Variants in PROM1 observed in about 807,000 individuals in gnomAD.
PROM1 encodes prominin-1.
PROM1 carries 105 observed loss-of-function variants against 116.9 expected under a neutral mutation model. That is an observed-to-expected ratio of 0.90 (90% CI 0.77 to 1.06). The LOEUF (loss-of-function observed/expected upper bound fraction) is 1.06. PROM1 is among the 50% of genes least tolerant of loss of function. PROM1 has a pLI of 0.00. For synonymous variants in PROM1, 393 were observed against 387.0 expected (o/e 1.02, Z -0.18); for missense variants, 1,122 against 1,045.2 (o/e 1.07, Z -1.01).
intron 12 of PROM1, among the ~76,000 whole-genome samples, chr4:16,007,943 G>A (rs1452437990): frequency 6.6e-6 from 1 of 152,132 alleles, no homozygotes; most frequent in Admixed American, 6.5e-5. Context: ...TCTGCCGTAT[G>A]CTAGCTGGCC....
intron 5 of PROM1, among the ~76,000 whole-genome samples, chr4:16,032,360 G>C (rs953421078): frequency 7.2e-5 from 11 of 152,238 alleles, no homozygotes; most frequent in African/African-American, 2.6e-4. Flanking sequence ...TCCTTCTTGG[G>C]TTTGCAGCTA....
chr4:16,018,650 G>A, intron 8 of PROM1, 110 bp from the exon 9 acceptor site: 2 of 926,146 alleles, frequency 2.2e-6, no homozygotes, highest in Admixed American at 2.1e-5. Context: ...AGATGGCAGT[G>A]AGAGGGACAC....
chr4:15,987,775 CT>C, intron 19 of PROM1, 59 bp from the exon 20 acceptor site: 3 of 1,386,786 alleles, frequency 2.2e-6, no homozygotes, highest in Non-Finnish European at 3.1e-6. Context: ...GATCACATAC[CT>C]TGTGTCCTCC....
chr4:15,981,386 T>A (rs1717903457), intron 23 of PROM1, among the ~76,000 whole-genome samples: 1 of 151,616 alleles, frequency 6.6e-6, no homozygotes, highest in Non-Finnish European at 1.5e-5. Flanking sequence ...CTGGCCAACG[T>A]AGTGAAACCC....
chr4:16,013,860 C>T (rs181001665), intron 10 of PROM1, among the ~76,000 whole-genome samples: 32 of 152,182 alleles, frequency 2.1e-4, no homozygotes, highest in Admixed American at 1.8e-3. Context: ...GATCGGTACA[C>T]TATCCCATGG....
intron 5 of PROM1, among the ~76,000 whole-genome samples, chr4:16,027,890 T>C (rs1158762799): frequency 1.3e-5 from 2 of 152,198 alleles, no homozygotes; most frequent in African/African-American, 4.8e-5. Flanking sequence ...ACTCACAAGA[T>C]CATCAGTCAG....
Position 16,033,411 on chromosome 4 carries a change from A to G in PROM1, c.402T>C (p.Arg134=), listed in dbSNP as rs1353248807. The change falls in exon 5 of 28, where the codon CGT becomes CGC. Residue 134 remains arginine, a synonymous_variant. Transcript: ENST00000447510. ...PLVGYFFCMC[R]CCNKCGGEMH... is the part of the protein sequence containing the mutation. The stretch of plus-strand genomic sequence containing the variant: ...TTTCTCCACCACATTTGTTACAGCA[A>G]CGACACATACAAAAGAAATACCCCA... 1 of 1,613,824 alleles carries G rather than the reference A, an allele frequency of 6.2e-7. No homozygotes were observed.
intron 1 of PROM1, among the ~76,000 whole-genome samples, chr4:16,082,784 A>G (rs563072104): frequency 7.2e-4 from 110 of 152,098 alleles, no homozygotes; most frequent in African/African-American, 2.6e-3. Context: ...TTCTGGAGCT[A>G]GTTCCTCCCT....
intron 3 of PROM1, among the ~76,000 whole-genome samples, chr4:16,038,251 C>A (rs1488783478): frequency 2.6e-5 from 4 of 152,182 alleles, no homozygotes; most frequent in African/African-American, 9.7e-5. Flanking sequence ...TGCAAAGCTA[C>A]TTTTTAACAA....
intron 10 of PROM1, among the ~76,000 whole-genome samples, chr4:16,015,133 G>C (rs1727980828): frequency 6.6e-6 from 1 of 151,998 alleles, no homozygotes; most frequent in Admixed American, 6.6e-5. Flanking sequence ...GTCACCTGAG[G>C]TCAGGAATTC....
chr4:16,016,093 C>T, intron 10 of PROM1, 73 bp downstream of exon 10: 4 of 1,312,574 alleles, frequency 3.0e-6, no homozygotes, highest in Admixed American at 2.3e-5. Context: ...TTGCTATTTC[C>T]TATTTTCTTA....
intron 26 of PROM1, among the ~76,000 whole-genome samples, chr4:15,978,409 G>A (rs926770055): frequency 8.5e-5 from 13 of 152,200 alleles, no homozygotes; most frequent in African/African-American, 2.2e-4. Context: ...TGACCAAGGT[G>A]GAGCATCAAC....
chr4:16,051,691 C>T (rs1442936339), intron 2 of PROM1, among the ~76,000 whole-genome samples: 1 of 152,182 alleles, frequency 6.6e-6, no homozygotes, highest in Admixed American at 6.5e-5. Context: ...ACTAAGGCTG[C>T]CTGGTCAGGT....
chr4:16,000,913 G>A (rs1027826493), intron 13 of PROM1, among the ~76,000 whole-genome samples: 2 of 151,170 alleles, frequency 1.3e-5, no homozygotes, highest in Non-Finnish European at 3.0e-5. Context: ...ACAGCTCCAG[G>A]GAAGGCGGGG....
intron 2 of PROM1, among the ~76,000 whole-genome samples, chr4:16,064,322 T>C (rs1044879110): frequency 2.6e-5 from 4 of 152,162 alleles, no homozygotes; most frequent in Middle Eastern, 3.2e-3. Context: ...CATAACAATA[T>C]GGATAAATTT....
intron 14 of PROM1, 59 bp downstream of exon 14, chr4:16,000,437 A>G (rs1265706759): frequency 1.4e-6 from 2 of 1,447,886 alleles, no homozygotes; most frequent in African/African-American, 2.8e-5. Context: ...TGCACAATAT[A>G]TGAAGAAATC....
At chr4:15,990,057 CAG>C (rs1284340155) in intron 18 of PROM1, among the ~76,000 whole-genome samples, 2 of 152,172 alleles carry the variant, frequency 1.3e-5, no homozygotes, top group African/African-American at 4.8e-5. Flanking sequence ...TCCTGAGTGC[CAG>C]AGACTGTGTT....
At chr4:16,014,915 AGT>A (rs1224206250) in intron 10 of PROM1, among the ~76,000 whole-genome samples, 2 of 152,238 alleles carry the variant, frequency 1.3e-5, no homozygotes, top group Non-Finnish European at 2.9e-5. Flanking sequence ...GGGGGTTTAC[AGT>A]TCAGTGGTGG....
rs778482358 is a variant in PROM1 at position 15,987,680 on chromosome 4, T to C, written c.2113A>G (p.Thr705Ala). 9 of 1,611,786 alleles carry C rather than the reference T, an allele frequency of 5.6e-6. No homozygotes were observed. Among genetic ancestry groups the C allele is most frequent in the Non-Finnish European group, 7.6e-6 (9 of 1,179,168 alleles). The change falls in exon 20 of 28, where the codon ACA becomes GCA. Residue 705 changes from threonine (T) to alanine (A), a missense_variant. By Grantham distance (58) the Thr-to-Ala change is moderately conservative (BLOSUM62 0). Coordinates refer to ENST00000447510, the MANE Select transcript of PROM1 (RefSeq NM_006017.3). ...LYQSVKILQRTGNGLLERVTR... is the reference protein window; with the variant it reads ...LYQSVKILQRAGNGLLERVTR... ...ACCCTTACCAACAATCCATTCCCTG[T>C]GCGTTGAAGTATCTTGACGCTTTGG...
Sources: allele counts gnomAD v4.1 joint callset (sites outside exome capture counted in the v4.1 genomes callset), GRCh38; gene constraint gnomAD v4.1.1; transcripts MANE v1.5; gene names NCBI Gene and HGNC (gene_info 2026-07-23, HGNC 2026-07-21).